RBFOX1: variants seen among roughly 807,000 people sequenced by gnomAD.
RBFOX1 encodes the protein RNA binding fox-1 homolog 1.
Under a neutral mutation model 57.7 loss-of-function variants are expected in RBFOX1, and 8 were observed. The observed-to-expected ratio is 0.14, with a 90% CI of 0.08 to 0.25. The LOEUF (loss-of-function observed/expected upper bound fraction) is 0.25. Ranked by LOEUF, RBFOX1 falls within the 10% of genes least tolerant of loss-of-function variation. RBFOX1 has a pLI of 1.00. For missense variants in RBFOX1, 611 were observed against 548.5 expected, an observed-to-expected ratio of 1.11 and a Z score of -1.14; for synonymous variants, 326 against 222.4, an observed-to-expected ratio of 1.47 and a Z score of -4.15.
chr16:5,918,106 A>G (rs2058748214), intron 4 of RBFOX1, among the ~76,000 whole-genome samples: 1 of 152,100 alleles, frequency 6.6e-6, no homozygotes, highest in Admixed American at 6.6e-5. Flanking sequence ...ACACAACTGC[A>G]GTTTTACGTT....
intron 4 of RBFOX1, among the ~76,000 whole-genome samples, chr16:5,868,615 G>T (rs1334737465): frequency 2.0e-5 from 3 of 152,184 alleles, no homozygotes; most frequent in Admixed American, 6.5e-5. Context: ...GTGTGCAAAG[G>T]TTTTCCAGGA....
chr16:7,224,733 A>G (rs1177962186), intron 4 of RBFOX1, among the ~76,000 whole-genome samples: 1 of 152,202 alleles, frequency 6.6e-6, no homozygotes, highest in Non-Finnish European at 1.5e-5. Flanking sequence ...GGGAATTGTC[A>G]TTTTATGGTT....
intron 2 of RBFOX1, among the ~76,000 whole-genome samples, chr16:5,481,726 A>G (rs536433362): frequency 6.6e-6 from 1 of 152,270 alleles, no homozygotes; most frequent in South Asian, 2.1e-4. Context: ...ACAGAACTGC[A>G]TTCTGCCATC....
intron 2 of RBFOX1, among the ~76,000 whole-genome samples, chr16:6,439,425 C>T (rs770336918): frequency 6.6e-6 from 1 of 152,160 alleles, no homozygotes; most frequent in Non-Finnish European, 1.5e-5. Flanking sequence ...CGGGCTGTGC[C>T]TTAGCTCAGG....
At chr16:7,199,855 A>C (rs539785174) in intron 4 of RBFOX1, among the ~76,000 whole-genome samples, 1 of 152,282 alleles carries the variant, frequency 6.6e-6, no homozygotes, top group Admixed American at 6.5e-5. Flanking sequence ...AGATCTCATA[A>C]CTATACTCCA....
At chr16:5,676,876 C>T (rs2050184052) in intron 3 of RBFOX1, among the ~76,000 whole-genome samples, 1 of 151,960 alleles carries the variant, frequency 6.6e-6, no homozygotes, top group African/African-American at 2.4e-5. Flanking sequence ...AAAAAAAGTG[C>T]TCAGAACAGT....
At chr16:5,484,451 G>A (rs1286422014) in intron 2 of RBFOX1, among the ~76,000 whole-genome samples, 1 of 152,198 alleles carries the variant, frequency 6.6e-6, no homozygotes. Flanking sequence ...TCTTGGAAGT[G>A]ACACCCCATT....
intron 3 of RBFOX1, among the ~76,000 whole-genome samples, chr16:6,681,848 C>G (rs755997542): frequency 3.5e-4 from 53 of 152,264 alleles, no homozygotes; most frequent in Middle Eastern, 3.4e-3. Flanking sequence ...ACAAAGTGAG[C>G]TATTTTGAGT....
At chr16:6,749,856 G>A (rs1357131041) in intron 3 of RBFOX1, among the ~76,000 whole-genome samples, 1 of 152,148 alleles carries the variant, frequency 6.6e-6, no homozygotes, top group African/African-American at 2.4e-5. Flanking sequence ...TGAAATAATA[G>A]TCAGCAGGAA....
chr16:6,999,212 A>ATTTTTTTTTTTTTTTTT (rs1254312494), intron 3 of RBFOX1, among the ~76,000 whole-genome samples: 1 of 117,690 alleles, frequency 8.5e-6, no homozygotes, highest in Non-Finnish European at 1.9e-5. Context: ...TTTTATTTTT[A>ATTTTTTTTTTTTTTTTT]TTTATTTTTT....
chr16:6,658,238 C>A (rs374430965), intron 3 of RBFOX1, among the ~76,000 whole-genome samples: 1 of 150,646 alleles, frequency 6.6e-6, no homozygotes, highest in Admixed American at 6.6e-5. Context: ...GGAAGAGAGC[C>A]TTCATTTTTT....
intron 3 of RBFOX1, among the ~76,000 whole-genome samples, chr16:5,738,039 T>C (rs1463220951): frequency 5.3e-5 from 8 of 149,822 alleles, no homozygotes; most frequent in African/African-American, 2.0e-4. Context: ...CAGTGTGTGA[T>C]GTTCCCCTTC....
At position 6,794,463 on chromosome 16, in the gene RBFOX1, G is replaced by A. The variant is rs377155850; in HGVS notation, c.-16+139813G>A. Among the ~76,000 whole-genome samples, 164 of 152,162 alleles carry A rather than the reference G, an allele frequency of 1.1e-3. 8 individuals carry two copies. The South Asian group carries it at 0.033, about 31-fold the overall frequency. ...TCAGGATGCAGGGGGAGGGATGGGAGAGAAGTTTCCTTTGTGATTTAATGT... is the reference window on the plus strand; with the variant it reads ...TCAGGATGCAGGGGGAGGGATGGGAAAGAAGTTTCCTTTGTGATTTAATGT... On this transcript the variant is annotated intron_variant, in intron 3 of 15. Transcript: ENST00000550418.
chr16:5,558,989 A>C (rs2045785422), intron 2 of RBFOX1, among the ~76,000 whole-genome samples: 2 of 152,134 alleles, frequency 1.3e-5, no homozygotes, highest in African/African-American at 2.4e-5. Context: ...AGGTGATCCC[A>C]CACTCTCACA....
chr16:5,553,971 T>TC (rs1491527746), intron 2 of RBFOX1, among the ~76,000 whole-genome samples: 4 of 12,872 alleles, frequency 3.1e-4, no homozygotes, highest in Non-Finnish European at 1.1e-3. Flanking sequence ...ACACGTATTC[T>TC]TTTTTTTTTT....
At chr16:7,040,427 A>T (rs888692127) in intron 3 of RBFOX1, among the ~76,000 whole-genome samples, 2 of 152,156 alleles carry the variant, frequency 1.3e-5, no homozygotes, top group Admixed American at 1.3e-4. Context: ...TAACCATATA[A>T]CTCAGGCATT....
In RBFOX1 at chr16:6,019,025, G is replaced by A. The variant is rs2095020006; in HGVS notation, c.-1094G>A. On this transcript the variant is annotated 5_prime_UTR_variant, in exon 1 of 16. Transcript: ENST00000550418. This position sits in a 1 kb window ranked among gnomAD's most constrained non-coding sequence, Gnocchi z 4.2. ...GGAGGGGGCGCTCCCTCGCGCACCA[G>A]ATTATTTTTGGCTCCGCAGCCGGGG... The A allele has an allele frequency of 3.3e-6, 3 of 910,898 alleles. No homozygotes were observed. The Admixed American group carries it at 1.9e-4, about 57-fold the overall frequency. The allele number at this position is 910,898 out of a possible 1,614,324, so 56.4% of individuals were successfully genotyped here.
chr16:6,242,832 C>G (rs2097547228), intron 1 of RBFOX1, among the ~76,000 whole-genome samples: 3 of 151,914 alleles, frequency 2.0e-5, no homozygotes, highest in Admixed American at 1.3e-4. Flanking sequence ...TAATTCTGAC[C>G]CTATGCCTTT....
chr16:7,372,767 G>C (rs949933699), intron 4 of RBFOX1, among the ~76,000 whole-genome samples: 8 of 152,060 alleles, frequency 5.3e-5, no homozygotes, highest in East Asian at 2.0e-4. Context: ...AAAAGGAGAA[G>C]AGAGGGAGAA....
Sources: gnomAD v4.1 joint callset for allele counts (sites outside exome capture counted in the v4.1 genomes callset) on GRCh38, gnomAD v4.1.1 for gene constraint, Gnocchi (gnomAD v3.1) non-coding constraint, MANE v1.5 for transcripts, NCBI Gene and HGNC (gene_info 2026-07-23, HGNC 2026-07-21) for gene names.